The following PTPRT variants were observed in gnomAD, a reference collection of about 807,000 sequenced individuals.
PTPRT encodes the protein protein tyrosine phosphatase receptor type T, also known as receptor-type tyrosine-protein phosphatase T.
In PTPRT, 56 loss-of-function variants were observed where a neutral mutation model predicts 176.8. The ratio of observed to expected loss-of-function variants is 0.32; its 90% confidence interval spans 0.26 to 0.40. The LOEUF (loss-of-function observed/expected upper bound fraction) is 0.40. PTPRT is among the 10% of genes least tolerant of loss of function. PTPRT has a pLI of 1.00. For missense variants in PTPRT, 1,540 were observed against 1,908.2 expected (o/e 0.81, Z 3.60); for synonymous variants, 783 against 739.0 (o/e 1.06, Z -0.96).
intron 18 of PTPRT, among the ~76,000 whole-genome samples, chr20:42,140,062 A>C (rs1211092130): frequency 2.0e-5 from 3 of 152,262 alleles, no homozygotes; most frequent in African/African-American, 7.2e-5. Flanking sequence ...TCAGCACAGG[A>C]AACAGCTAAG....
intron 13 of PTPRT, among the ~76,000 whole-genome samples, chr20:42,262,282 TAGA>T (rs2056763194): frequency 6.6e-6 from 1 of 151,748 alleles, no homozygotes; most frequent in South Asian, 2.1e-4. Context: ...GTGAGGAGGG[TAGA>T]AGAAGTGGCC....
intron 1 of PTPRT, among the ~76,000 whole-genome samples, chr20:43,124,735 A>G (rs1183588525): frequency 1.3e-5 from 2 of 152,296 alleles, no homozygotes; most frequent in South Asian, 2.1e-4. Flanking sequence ...ACAAAGATAC[A>G]GTCACCCTCC....
intron 8 of PTPRT, among the ~76,000 whole-genome samples, chr20:42,448,761 G>T (rs982317058): frequency 6.6e-6 from 1 of 151,944 alleles, no homozygotes; most frequent in Non-Finnish European, 1.5e-5. Context: ...TGCTTCAGGG[G>T]TGTCTAATCT....
chr20:42,531,225 G>A (rs2072378378), intron 7 of PTPRT, among the ~76,000 whole-genome samples: 1 of 152,162 alleles, frequency 6.6e-6, no homozygotes, highest in African/African-American at 2.4e-5. Flanking sequence ...GTTTTGCAAT[G>A]AGTTACTATT....
intron 12 of PTPRT, among the ~76,000 whole-genome samples, chr20:42,305,967 T>G (rs1210108954): frequency 6.6e-6 from 1 of 152,206 alleles, no homozygotes; most frequent in Non-Finnish European, 1.5e-5. Context: ...AAACTGAGGC[T>G]GCTATTTCCA....
At chr20:43,137,251 T>G (rs1337944243) in intron 1 of PTPRT, among the ~76,000 whole-genome samples, 2 of 152,208 alleles carry the variant, frequency 1.3e-5, no homozygotes, top group East Asian at 3.8e-4. Context: ...AGAGGTCTCC[T>G]GACCCCCAAG....
chr20:43,015,181 G>A (rs944042563), intron 1 of PTPRT, among the ~76,000 whole-genome samples: 17 of 152,176 alleles, frequency 1.1e-4, no homozygotes, highest in Non-Finnish European at 4.4e-5. Flanking sequence ...AAAACAGAGA[G>A]GTAGAGGGAG....
chr20:43,177,901 A>T (rs1346152964), intron 1 of PTPRT, among the ~76,000 whole-genome samples: 2 of 152,244 alleles, frequency 1.3e-5, no homozygotes, highest in African/African-American at 4.8e-5. Context: ...TTTTCCAACA[A>T]AAATGGTGTT....
chr20:42,815,580 G>C (rs2077768856), intron 2 of PTPRT, among the ~76,000 whole-genome samples: 1 of 152,152 alleles, frequency 6.6e-6, no homozygotes, highest in Admixed American at 6.5e-5. Context: ...GTTCATCCAA[G>C]CCTGATATTA....
chr20:42,797,706 G>A (rs576315106), intron 2 of PTPRT, among the ~76,000 whole-genome samples: 16 of 152,126 alleles, frequency 1.1e-4, no homozygotes, highest in Non-Finnish European at 2.4e-4. Flanking sequence ...GCTTGAGATG[G>A]GGAGATTATT....
intron 9 of PTPRT, among the ~76,000 whole-genome samples, chr20:42,369,645 G>A (rs181498385): frequency 0.079 from 12,069 of 152,192 alleles, 485 homozygotes; most frequent in Middle Eastern, 0.14. Flanking sequence ...ATCCTTTGAA[G>A]TGGGTGACAG....
At position 42,404,350 on chromosome 20, in the gene PTPRT, G is replaced by A. The variant is rs1054662428; in HGVS notation, c.1560+43870C>T. On this transcript the variant is annotated intron_variant, in intron 9 of 30. Coordinates refer to ENST00000373187, the MANE Select transcript of PTPRT (RefSeq NM_007050.6). ...GAAGACACCAAATAAAAAGAGCCTG[G>A]GTGCTTGAATGACTGAGTAAAGATC... is the stretch of plus-strand genomic sequence containing the variant. Among the ~76,000 whole-genome samples, 8 of 152,022 alleles carry A rather than the reference G, an allele frequency of 5.3e-5. No homozygotes were observed. In the East Asian group the frequency reaches 1.5e-3, roughly 29 times the overall value.
chr20:42,764,493 C>G (rs1007512314), intron 5 of PTPRT, among the ~76,000 whole-genome samples: 8 of 152,118 alleles, frequency 5.3e-5, no homozygotes, highest in East Asian at 1.9e-4. Flanking sequence ...ATAAAGAAAT[C>G]TGTTTTTAAA....
At chr20:42,422,204 G>A (rs1445240513) in intron 9 of PTPRT, among the ~76,000 whole-genome samples, 1 of 152,140 alleles carries the variant, frequency 6.6e-6, no homozygotes, top group Non-Finnish European at 1.5e-5. Context: ...CTTGACAAAT[G>A]GAATTTAATT....
At chr20:42,880,834 T>C (rs918751512) in intron 2 of PTPRT, among the ~76,000 whole-genome samples, 8 of 152,188 alleles carry the variant, frequency 5.3e-5, no homozygotes, top group African/African-American at 1.7e-4. Flanking sequence ...TGAGGAAAAG[T>C]CTGTATTTAG....
chr20:42,486,656 C>T (rs1435462541), intron 7 of PTPRT, among the ~76,000 whole-genome samples: 1 of 152,152 alleles, frequency 6.6e-6, no homozygotes, highest in Admixed American at 6.6e-5. Context: ...CATTTATTCT[C>T]AAGCTCATAC....
At chr20:42,535,234 A>T (rs560345528) in intron 7 of PTPRT, among the ~76,000 whole-genome samples, 1 of 152,292 alleles carries the variant, frequency 6.6e-6, no homozygotes, top group East Asian at 1.9e-4. Flanking sequence ...TAGAAAACTG[A>T]ATAATGCATG....
intron 6 of PTPRT, among the ~76,000 whole-genome samples, chr20:42,718,442 C>T (rs2076258344): frequency 6.6e-6 from 1 of 152,092 alleles, no homozygotes; most frequent in Non-Finnish European, 1.5e-5. Context: ...GAGGCTGAGG[C>T]AGGGGAATGG....
In PTPRT at chr20:43,157,864, T is replaced by C. The variant is rs566020950; in HGVS notation, c.88+31782A>G. On this transcript the variant is annotated intron_variant, in intron 1 of 30. Coordinates refer to ENST00000373187, the MANE Select transcript of PTPRT (RefSeq NM_007050.6). ...CTGGGCCCAGAGGCTGGAGCATGCATGGGTTACAGGGACTAAATAGTCATG... is the reference window on the plus strand; with the variant it reads ...CTGGGCCCAGAGGCTGGAGCATGCACGGGTTACAGGGACTAAATAGTCATG... Among the ~76,000 whole-genome samples, 5 of 152,238 alleles carry C rather than the reference T, an allele frequency of 3.3e-5. No homozygotes were observed. In the South Asian group the frequency reaches 1.0e-3, roughly 32 times the overall value.
Sources: gnomAD v4.1 joint callset for allele counts (sites outside exome capture counted in the v4.1 genomes callset) on GRCh38, gnomAD v4.1.1 for gene constraint, MANE v1.5 for transcripts, NCBI Gene and HGNC (gene_info 2026-07-23, HGNC 2026-07-21) for gene names.